RANBP17: variants seen among roughly 807,000 people sequenced by gnomAD.
RANBP17 encodes the protein ran-binding protein 17.
In RANBP17, 158 loss-of-function variants were observed where a neutral mutation model predicts 141.2. The observed-to-expected ratio is 1.12, with a 90% CI of 0.98 to 1.28. The LOEUF (loss-of-function observed/expected upper bound fraction) is 1.28, where lower values mean the gene tolerates loss of function less well. RANBP17 is among the 50% of genes most tolerant of loss of function. RANBP17 has a pLI of 0.00. For missense variants in RANBP17, 1,438 were observed against 1,290.7 expected, an observed-to-expected ratio of 1.11 and a Z score of -1.75; for synonymous variants, 430 against 450.0, an observed-to-expected ratio of 0.96 and a Z score of 0.56.
rs551386279 is a variant in RANBP17, at chr5:170,973,024, T to TTCATATGTG, written c.1710+4648_1710+4656dup. Among the ~76,000 whole-genome samples the TTCATATGTG allele has an allele frequency of 4.0e-4, 61 of 152,330 alleles. 1 individual carries two copies. In the South Asian group the frequency reaches 0.012, roughly 31 times the overall value. ...CTTTTCATTCCACTTTATGACATGA[T>TTCATATGTG]TCATATGTGCTGCTGTCTTTTTTCC... On this transcript the variant is annotated intron_variant, in intron 14 of 27. Transcript: ENST00000523189.
chr5:171,186,289 G>A (rs1053645821), intron 18 of RANBP17, among the ~76,000 whole-genome samples: 2 of 152,050 alleles, frequency 1.3e-5, no homozygotes, highest in African/African-American at 2.4e-5. Flanking sequence ...TTCATCAATG[G>A]TCTTAGCTAG....
intron 21 of RANBP17, among the ~76,000 whole-genome samples, chr5:171,219,139 T>C (rs193197291): frequency 5.1e-4 from 78 of 152,356 alleles, no homozygotes; most frequent in African/African-American, 1.9e-3. Context: ...TTATTTCTTC[T>C]TTGCTTATGA....
chr5:171,125,318 AAGTG>A (rs1756358012), intron 14 of RANBP17, among the ~76,000 whole-genome samples: 1 of 139,600 alleles, frequency 7.2e-6, no homozygotes, highest in Non-Finnish European at 1.6e-5. Context: ...AAAAAAAAGA[AAGTG>A]AAGGGATGGA....
intron 22 of RANBP17, among the ~76,000 whole-genome samples, chr5:171,225,357 T>G (rs1763823504): frequency 6.6e-6 from 1 of 152,234 alleles, no homozygotes; most frequent in Non-Finnish European, 1.5e-5. Flanking sequence ...GCACTTTACA[T>G]AGAATAATAG....
In RANBP17 at chr5:171,054,775, C is replaced by T. The variant is rs115704713; in HGVS notation, c.1710+86398C>T. On this transcript the variant is annotated intron_variant, in intron 14 of 27. Transcript: ENST00000523189. The stretch of plus-strand genomic sequence containing the variant: ...ATTGCTCTGGTTCAGACACCTGTGA[C>T]GTGTTTCCCCCCTCCCTTTTACAAG... 1.0e-3 allele frequency among the ~76,000 whole-genome samples: 156 copies of T among 152,236 alleles called. 2 individuals are homozygous for T. The highest frequency in any genetic ancestry group is 3.4e-3 in the African/African-American group (143 of 41,546).
intron 14 of RANBP17, among the ~76,000 whole-genome samples, chr5:170,973,125 T>G (rs1777109735): frequency 6.6e-6 from 1 of 152,090 alleles, no homozygotes; most frequent in Admixed American, 6.6e-5. Flanking sequence ...GATGCAAAAG[T>G]GAATAGGATC....
chr5:171,164,436 T>G lies in RANBP17; in HGVS notation c.1711-5694T>G, dbSNP rs1759540380. ...TATGTCCGCATCTGTTTTTCTTACCTAGTTCCCTTTTTAAAACCATATGTA... is the reference window on the plus strand; with the variant it reads ...TATGTCCGCATCTGTTTTTCTTACCGAGTTCCCTTTTTAAAACCATATGTA... On this transcript the variant is annotated intron_variant, in intron 14 of 27. Transcript: ENST00000523189. Among the ~76,000 whole-genome samples the G allele has an allele frequency of 2.0e-5, 3 of 152,214 alleles. No individual in the cohort carries two copies. The South Asian group carries it at 6.2e-4, about 32-fold the overall frequency.
At chr5:171,267,876 A>G (rs1199635910) in intron 25 of RANBP17, among the ~76,000 whole-genome samples, 1 of 152,186 alleles carries the variant, frequency 6.6e-6, no homozygotes, top group Non-Finnish European at 1.5e-5. Flanking sequence ...CAGCTATGAA[A>G]GAAGGTTCCT....
At chr5:171,158,992 A>G (rs923691011) in intron 14 of RANBP17, among the ~76,000 whole-genome samples, 2 of 152,222 alleles carry the variant, frequency 1.3e-5, no homozygotes, top group African/African-American at 4.8e-5. Context: ...GTTTATCTTC[A>G]ACCTTAATCT....
intron 14 of RANBP17, among the ~76,000 whole-genome samples, chr5:171,100,479 A>C (rs1433741750): frequency 6.6e-6 from 1 of 151,658 alleles, no homozygotes; most frequent in Non-Finnish European, 1.5e-5. Flanking sequence ...TGTCTATTTG[A>C]TTCTTCTTTC....
Position 170,927,287 on chromosome 5 carries a change from A to G in RANBP17, c.1468+2737A>G, listed in dbSNP as rs536335787. ...GACAATATATATATATTTTTATTAT[A>G]CTTTAAATTCTGGGATACATGTGCA... On this transcript the variant is annotated intron_variant, in intron 12 of 27. Transcript: ENST00000523189. Among the ~76,000 whole-genome samples, 57 of 152,146 alleles carry G rather than the reference A, an allele frequency of 3.7e-4. 1 individual carries two copies. The South Asian group carries it at 0.011, about 28-fold the overall frequency.
chr5:171,256,301 T>C (rs1453052834), intron 24 of RANBP17, among the ~76,000 whole-genome samples: 8 of 152,216 alleles, frequency 5.3e-5, no homozygotes, highest in African/African-American at 1.9e-4. Context: ...ATACCTACCT[T>C]ACAGGGTTGT....
At chr5:170,885,144 G>C (rs546178448) in intron 3 of RANBP17, among the ~76,000 whole-genome samples, 1 of 152,152 alleles carries the variant, frequency 6.6e-6, no homozygotes, top group South Asian at 2.1e-4. Flanking sequence ...TTTAATTTCA[G>C]ATTTTCAGCT....
chr5:171,075,567 G>A (rs1403210582), intron 14 of RANBP17, among the ~76,000 whole-genome samples: 1 of 152,196 alleles, frequency 6.6e-6, no homozygotes, highest in Non-Finnish European at 1.5e-5. Context: ...TGATGGCTAA[G>A]GAGAGTGGTG....
chr5:171,087,167 T>C (rs1173095296), intron 14 of RANBP17, among the ~76,000 whole-genome samples: 4 of 149,642 alleles, frequency 2.7e-5, no homozygotes, highest in African/African-American at 9.8e-5. Flanking sequence ...TGTTGTGTCT[T>C]TGTTCTCATT....
intron 14 of RANBP17, among the ~76,000 whole-genome samples, chr5:171,055,549 G>GTTCCA (rs1783285707): frequency 6.6e-6 from 1 of 152,038 alleles, no homozygotes; most frequent in African/African-American, 2.4e-5. Context: ...ATGGAACTTT[G>GTTCCA]TTCCAAAAAG....
intron 13 of RANBP17, among the ~76,000 whole-genome samples, chr5:170,967,943 C>G (rs1053891797): frequency 4.0e-5 from 6 of 151,280 alleles, no homozygotes; most frequent in Non-Finnish European, 8.9e-5. Flanking sequence ...TATGTGTATG[C>G]CATGCATTTA....
chr5:171,127,056 A>T (rs1756523585), intron 14 of RANBP17, among the ~76,000 whole-genome samples: 1 of 152,218 alleles, frequency 6.6e-6, no homozygotes, highest in Non-Finnish European at 1.5e-5. Context: ...AATATTTCTG[A>T]TGAACATAGA....
At chr5:171,003,278 C>A (rs4868056) in intron 14 of RANBP17, among the ~76,000 whole-genome samples, 104,497 of 152,008 alleles carry the variant, frequency 0.69, 36,095 homozygotes, top group South Asian at 0.89. Context: ...GCAGTCTCTA[C>A]AGCTGTCTTC....
Sources: gnomAD v4.1 joint callset for allele counts (sites outside exome capture counted in the v4.1 genomes callset) on GRCh38, gnomAD v4.1.1 for gene constraint, MANE v1.5 for transcripts, NCBI Gene and HGNC (gene_info 2026-07-23, HGNC 2026-07-21) for gene names.